LRFN5: variants seen among roughly 807,000 people sequenced by gnomAD.
LRFN5 encodes the protein leucine rich repeat and fibronectin type III domain containing 5.
Under a neutral mutation model 45.6 loss-of-function variants are expected in LRFN5, and 24 were observed. That is an observed-to-expected ratio of 0.53 (90% CI 0.38 to 0.74). The LOEUF (loss-of-function observed/expected upper bound fraction) is 0.74, where lower values mean the gene tolerates loss of function less well. LRFN5 is among the 30% of genes least tolerant of loss of function. LRFN5 has a pLI of 0.00. For missense variants in LRFN5, 776 were observed against 861.5 expected, an observed-to-expected ratio of 0.90 and a Z score of 1.24; for synonymous variants, 340 against 313.8, an observed-to-expected ratio of 1.08 and a Z score of -0.88.
chr14:41,803,149 G>A (rs1887396973), intron 2 of LRFN5, among the ~76,000 whole-genome samples: 1 of 152,080 alleles, frequency 6.6e-6, no homozygotes, highest in African/African-American at 2.4e-5. Context: ...AATCAGATAA[G>A]TTAATAAATC....
intron 2 of LRFN5, among the ~76,000 whole-genome samples, chr14:41,841,661 T>C (rs994078686): frequency 6.6e-6 from 1 of 151,880 alleles, no homozygotes; most frequent in Non-Finnish European, 1.5e-5. Flanking sequence ...CTATTATGAA[T>C]AAAGTCCTTT....
intron 1 of LRFN5, among the ~76,000 whole-genome samples, chr14:41,640,180 A>T (rs1439538016): frequency 6.6e-6 from 1 of 151,858 alleles, no homozygotes; most frequent in Admixed American, 6.6e-5. Context: ...AGGTGGAAAC[A>T]TATTTCATTG....
At chr14:41,617,682 G>A (rs983618660) in intron 1 of LRFN5, among the ~76,000 whole-genome samples, 5 of 152,044 alleles carry the variant, frequency 3.3e-5, no homozygotes, top group African/African-American at 1.2e-4. Context: ...CTGAGTCTGG[G>A]ATATAAATAT....
At chr14:41,677,970 A>C (rs1881711055) in intron 1 of LRFN5, among the ~76,000 whole-genome samples, 1 of 152,106 alleles carries the variant, frequency 6.6e-6, no homozygotes, top group Admixed American at 6.5e-5. Flanking sequence ...TTAAATGTGA[A>C]TGAATTAAGC....
At chr14:41,657,532 TC>T (rs1361091644) in intron 1 of LRFN5, among the ~76,000 whole-genome samples, 1 of 151,972 alleles carries the variant, frequency 6.6e-6, no homozygotes, top group Non-Finnish European at 1.5e-5. Context: ...GATAGGAAGC[TC>T]ATAAGGTAAT....
intron 1 of LRFN5, among the ~76,000 whole-genome samples, chr14:41,762,461 C>A (rs1246344762): frequency 6.6e-6 from 1 of 151,960 alleles, no homozygotes. Flanking sequence ...ACATTTTTTC[C>A]AATAACAAAT....
chr14:41,788,266 T>C (rs1352495205), intron 2 of LRFN5, among the ~76,000 whole-genome samples: 6 of 152,182 alleles, frequency 3.9e-5, no homozygotes, highest in African/African-American at 1.4e-4. Context: ...ATTATATCTC[T>C]GAATATTGTT....
chr14:41,825,256 A>G (rs998411445), intron 2 of LRFN5, among the ~76,000 whole-genome samples: 1 of 152,162 alleles, frequency 6.6e-6, no homozygotes, highest in Non-Finnish European at 1.5e-5. Context: ...TTTTGCGCCA[A>G]GCCCCTGGGA....
chr14:41,894,575 AT>A lies in LRFN5; in HGVS notation c.2098+2620del, dbSNP rs905217272. On this transcript the variant is annotated intron_variant, in intron 4 of 5. Transcript: ENST00000298119. ...AGACTGGCTTATCAAGAAGGTCAAAATTTTTTTGTATTTGTTTATAAACATA... is the reference window on the plus strand; with the variant it reads ...AGACTGGCTTATCAAGAAGGTCAAAATTTTTTGTATTTGTTTATAAACATA... 31 of 972,140 alleles carry A rather than the reference AT, an allele frequency of 3.2e-5. No homozygotes were observed. The African/African-American group carries it at 4.7e-4, about 15-fold the overall frequency. The allele number at this position is 972,140 out of a possible 1,614,324, so 60.2% of individuals were successfully genotyped here.
intron 2 of LRFN5, among the ~76,000 whole-genome samples, chr14:41,794,956 C>T (rs1887065385): frequency 6.6e-6 from 1 of 151,746 alleles, no homozygotes; most frequent in South Asian, 2.1e-4. Context: ...TGTATATATA[C>T]AAATATAGAT....
intron 2 of LRFN5, among the ~76,000 whole-genome samples, chr14:41,815,273 C>T (rs752358090): frequency 1.3e-5 from 2 of 152,012 alleles, no homozygotes; most frequent in Non-Finnish European, 2.9e-5. Flanking sequence ...GGAGAATTTG[C>T]CCTTTATTAT....
chr14:41,820,697 A>T (rs1159146482), intron 2 of LRFN5, among the ~76,000 whole-genome samples: 1 of 151,918 alleles, frequency 6.6e-6, no homozygotes, highest in African/African-American at 2.4e-5. Flanking sequence ...GGATCTGTAG[A>T]TTGCTTTGGT....
chr14:41,845,598 A>G (rs994510052), intron 2 of LRFN5, among the ~76,000 whole-genome samples: 3 of 152,228 alleles, frequency 2.0e-5, no homozygotes, highest in South Asian at 2.1e-4. Context: ...TAAATCTGAC[A>G]TCTAATTCTG....
At chr14:41,688,517 T>C (rs1482195167) in intron 1 of LRFN5, among the ~76,000 whole-genome samples, 1 of 151,974 alleles carries the variant, frequency 6.6e-6, no homozygotes, top group African/African-American at 2.4e-5. Context: ...CAAAATATCT[T>C]TCCTAATAAC....
At chr14:41,651,102 C>T (rs1185015294) in intron 1 of LRFN5, among the ~76,000 whole-genome samples, 1 of 152,050 alleles carries the variant, frequency 6.6e-6, no homozygotes, top group East Asian at 1.9e-4. Flanking sequence ...TGTATTGTCT[C>T]ATATATTTAG....
intron 1 of LRFN5, among the ~76,000 whole-genome samples, chr14:41,652,693 T>C (rs1880187151): frequency 6.6e-6 from 1 of 152,116 alleles, no homozygotes; most frequent in Non-Finnish European, 1.5e-5. Flanking sequence ...GTAATTTCTC[T>C]TAAAATGCAA....
chr14:41,712,814 T>C (rs914491523), intron 1 of LRFN5, among the ~76,000 whole-genome samples: 3 of 152,112 alleles, frequency 2.0e-5, no homozygotes, highest in African/African-American at 7.2e-5. Context: ...GATTTAAAAT[T>C]TTTTTCTCCA....
At chr14:41,839,163 C>T (rs10136198) in intron 2 of LRFN5, among the ~76,000 whole-genome samples, 6,277 of 152,024 alleles carry the variant, frequency 0.041, 428 homozygotes, top group African/African-American at 0.14. Flanking sequence ...ATAATTTCTA[C>T]GATTTAGACA....
chr14:41,801,354 C>T (rs551683337), intron 2 of LRFN5, among the ~76,000 whole-genome samples: 92 of 152,228 alleles, frequency 6.0e-4, no homozygotes, highest in African/African-American at 2.0e-3. Context: ...CAATTAAAAT[C>T]TTGCATATTT....
Sources: allele counts gnomAD v4.1 joint callset (sites outside exome capture counted in the v4.1 genomes callset), GRCh38; gene constraint gnomAD v4.1.1; transcripts MANE v1.5; gene names NCBI Gene and HGNC (gene_info 2026-07-23, HGNC 2026-07-21).